Variants in FBXO34 observed in about 807,000 individuals in gnomAD.
FBXO34 encodes F-box only protein 34.
FBXO34 carries 12 observed loss-of-function variants against 24.5 expected under a neutral mutation model. That is an observed-to-expected ratio of 0.49 (90% CI 0.31 to 0.79). The LOEUF (loss-of-function observed/expected upper bound fraction) is 0.79, where lower values mean the gene tolerates loss of function less well. Among genes scored for constraint, FBXO34 ranks in the 30% least tolerant of loss-of-function variants. The pLI, the probability that FBXO34 is intolerant of heterozygous loss-of-function variation, is 0.04. For synonymous variants in FBXO34, 320 were observed against 311.9 expected (o/e 1.03, Z -0.27); for missense variants, 823 against 857.7 (o/e 0.96, Z 0.51).
the FBXO34 span, among the ~76,000 whole-genome samples, chr14:55,404,454 T>C: frequency 6.6e-6 from 1 of 152,218 alleles, no homozygotes; most frequent in Non-Finnish European, 1.5e-5. Flanking sequence ...ATCACGTCAA[T>C]TCAGTACCTT....
intron 1 of FBXO34, among the ~76,000 whole-genome samples, chr14:55,291,014 A>G (rs868119069): frequency 3.3e-5 from 5 of 149,998 alleles, no homozygotes; most frequent in African/African-American, 5.0e-5. Flanking sequence ...TAGTAGAGAC[A>G]GGGGGTTTCA....
chr14:55,442,122 G>A, the FBXO34 span, among the ~76,000 whole-genome samples: 1 of 150,834 alleles, frequency 6.6e-6, no homozygotes, highest in Non-Finnish European at 1.5e-5. Context: ...GGTGTGGTGG[G>A]TCATGTCTGT....
At chr14:55,284,022 A>G (rs1415775673) in intron 1 of FBXO34, among the ~76,000 whole-genome samples, 1 of 150,428 alleles carries the variant, frequency 6.6e-6, no homozygotes, top group Non-Finnish European at 1.5e-5. Context: ...TTTTAGAGGT[A>G]GGGTCTCATT....
At chr14:55,320,922 A>G (rs1247172832) in intron 1 of FBXO34, among the ~76,000 whole-genome samples, 3 of 152,230 alleles carry the variant, frequency 2.0e-5, no homozygotes, top group Non-Finnish European at 4.4e-5. Flanking sequence ...GGATTAAATC[A>G]TAATTAAAAA....
intron 1 of FBXO34, among the ~76,000 whole-genome samples, chr14:55,296,703 T>C (rs1882147340): frequency 1.3e-5 from 2 of 152,166 alleles, no homozygotes. Context: ...GCCGCTGTTC[T>C]TGATTTTTAA....
chr14:55,380,423 C>T, the FBXO34 span: 1 of 575,162 alleles, frequency 1.7e-6, no homozygotes, highest in Non-Finnish European at 3.1e-6. Context: ...GCACATAAGG[C>T]TTTTGAAATT....
the FBXO34 span, among the ~76,000 whole-genome samples, chr14:55,434,423 C>G: frequency 6.6e-6 from 1 of 152,156 alleles, no homozygotes; most frequent in Non-Finnish European, 1.5e-5. Flanking sequence ...CTCTTCACCC[C>G]AACTCCTCTC....
chr14:55,429,333 C>A, the FBXO34 span, among the ~76,000 whole-genome samples: 1 of 152,238 alleles, frequency 6.6e-6, no homozygotes, highest in Admixed American at 6.5e-5. Flanking sequence ...AATGCAAAGT[C>A]CCAGGTTCCA....
chr14:55,315,907 T>C (rs778617781), intron 1 of FBXO34, among the ~76,000 whole-genome samples: 2 of 152,234 alleles, frequency 1.3e-5, no homozygotes, highest in Non-Finnish European at 2.9e-5. Flanking sequence ...CATTATTTTG[T>C]TGATGACTTT....
At chr14:55,412,931 C>G in the FBXO34 span, among the ~76,000 whole-genome samples, 3 of 152,154 alleles carry the variant, frequency 2.0e-5, 1 homozygote, top group Middle Eastern at 6.3e-3. Flanking sequence ...CATATTAGCC[C>G]GTCCCTCCCT....
chr14:55,322,538 G>A (rs1461618287), intron 1 of FBXO34, among the ~76,000 whole-genome samples: 3 of 152,068 alleles, frequency 2.0e-5, no homozygotes, highest in African/African-American at 7.2e-5. Context: ...GTCTCGCTCT[G>A]TTCCCTAGGC....
At chr14:55,363,512 G>A (rs1884621166), downstream of FBXO34, among the ~76,000 whole-genome samples, 1 of 151,384 alleles carries the variant, frequency 6.6e-6, no homozygotes, top group African/African-American at 2.4e-5. Context: ...ATTTTTAGTA[G>A]AGATGTGGTT....
intron 1 of FBXO34, among the ~76,000 whole-genome samples, chr14:55,272,899 G>T (rs6573015): frequency 6.6e-6 from 1 of 152,254 alleles, no homozygotes; most frequent in Admixed American, 6.5e-5. Flanking sequence ...TATGAAATTA[G>T]AGAATAAAAA....
the FBXO34 span, among the ~76,000 whole-genome samples, chr14:55,439,930 C>CAAAAAAAA: frequency 1.8e-3 from 69 of 39,178 alleles, 1 homozygote; most frequent in African/African-American, 4.3e-3. Context: ...GACTCTGTCT[C>CAAAAAAAA]AAAAAAAAAA....
At chr14:55,315,869 A>C (rs961175583) in intron 1 of FBXO34, among the ~76,000 whole-genome samples, 5 of 152,166 alleles carry the variant, frequency 3.3e-5, no homozygotes, top group Non-Finnish European at 7.3e-5. Context: ...AGTAATTATG[A>C]ACCCCTGCAA....
intron 1 of FBXO34, among the ~76,000 whole-genome samples, chr14:55,313,302 C>T (rs1882812174): frequency 1.3e-5 from 2 of 152,198 alleles, no homozygotes. Context: ...TCTGAGACCA[C>T]CTCATCCTGG....
chr14:55,382,163 C>T, the FBXO34 span: 1 of 1,614,120 alleles, frequency 6.2e-7, no homozygotes, highest in Non-Finnish European at 8.5e-7. Context: ...ATGGCACTGT[C>T]ACTCTCTGAA....
the FBXO34 span, chr14:55,433,558 T>C: frequency 7.0e-7 from 1 of 1,438,444 alleles, no homozygotes; most frequent in Non-Finnish European, 9.7e-7. Context: ...CTTTAGCACA[T>C]TAATTCTATG....
At chr14:55,413,239 A>G in the FBXO34 span, among the ~76,000 whole-genome samples, 1 of 152,232 alleles carries the variant, frequency 6.6e-6, no homozygotes, top group African/African-American at 2.4e-5. Flanking sequence ...ATTTGTATTC[A>G]GACAGGATCC....
Sources: gnomAD v4.1 joint callset for allele counts (sites outside exome capture counted in the v4.1 genomes callset) on GRCh38, gnomAD v4.1.1 for gene constraint, MANE v1.5 for transcripts, NCBI Gene and HGNC (gene_info 2026-07-23, HGNC 2026-07-21) for gene names.